The following PTPRD variants were observed in gnomAD, a reference collection of about 807,000 sequenced individuals.
PTPRD encodes the protein protein tyrosine phosphatase receptor type D, also known as receptor-type tyrosine-protein phosphatase delta.
A neutral mutation model predicts 214.5 loss-of-function variants in PTPRD; 34 were observed. The ratio of observed to expected loss-of-function variants is 0.16; its 90% CI spans 0.12 to 0.21. The LOEUF (loss-of-function observed/expected upper bound fraction) is 0.21, where lower values mean the gene tolerates loss of function less well. PTPRD is among the 10% of genes least tolerant of loss of function. The pLI is 1.00. For synonymous variants in PTPRD, 1,128 were observed against 845.7 expected (o/e 1.33, Z -5.79); for missense variants, 2,545 against 2,398.7 (o/e 1.06, Z -1.27).
intron 3 of PTPRD, among the ~76,000 whole-genome samples, chr9:10,146,151 A>G (rs2099020941): frequency 7.0e-5 from 1 of 14,294 alleles, no homozygotes; most frequent in Admixed American, 8.1e-4. Context: ...GAAATCATCC[A>G]TATATATATA....
At chr9:9,964,527 A>G (rs1741164389) in intron 4 of PTPRD, among the ~76,000 whole-genome samples, 1 of 152,204 alleles carries the variant, frequency 6.6e-6, no homozygotes, top group Admixed American at 6.5e-5. Flanking sequence ...TTTTACCTTA[A>G]TTATGACTCA....
intron 4 of PTPRD, among the ~76,000 whole-genome samples, chr9:9,963,265 G>A (rs1322561882): frequency 1.3e-5 from 2 of 152,020 alleles, no homozygotes; most frequent in Non-Finnish European, 2.9e-5. Flanking sequence ...AAACACAATT[G>A]TATGTACCTA....
intron 10 of PTPRD, among the ~76,000 whole-genome samples, chr9:9,166,025 T>C (rs1410506542): frequency 1.3e-5 from 2 of 152,170 alleles, no homozygotes; most frequent in African/African-American, 2.4e-5. Flanking sequence ...GGTACAATTG[T>C]CTGTCCCTAT....
At chr9:9,191,285 T>C (rs1005753153) in intron 9 of PTPRD, among the ~76,000 whole-genome samples, 1 of 152,078 alleles carries the variant, frequency 6.6e-6, no homozygotes, top group Non-Finnish European at 1.5e-5. Context: ...TCAACAATCC[T>C]GTGAATGAGA....
At chr9:10,318,017 C>T (rs775486725) in intron 3 of PTPRD, among the ~76,000 whole-genome samples, 10 of 151,990 alleles carry the variant, frequency 6.6e-5, no homozygotes, top group Non-Finnish European at 1.0e-4. Flanking sequence ...AGTCATTTTA[C>T]ATATGTCTGT....
At chr9:9,403,762 G>T (rs1220774647) in intron 8 of PTPRD, among the ~76,000 whole-genome samples, 2 of 151,828 alleles carry the variant, frequency 1.3e-5, no homozygotes, top group African/African-American at 4.8e-5. Context: ...TCTATTTTAG[G>T]CATTGGGGAT....
intron 11 of PTPRD, among the ~76,000 whole-genome samples, chr9:8,985,114 A>T (rs182559325): frequency 6.6e-6 from 1 of 152,222 alleles, no homozygotes; most frequent in Admixed American, 6.6e-5. Context: ...GCGATCAGAA[A>T]TGCTAACAGT....
At chr9:9,337,160 T>G (rs1355111446) in intron 9 of PTPRD, among the ~76,000 whole-genome samples, 1 of 152,154 alleles carries the variant, frequency 6.6e-6, no homozygotes, top group Non-Finnish European at 1.5e-5. Flanking sequence ...AGAAAGAAAC[T>G]ATGAAGTAAA....
rs56105335 is a variant in PTPRD, at chr9:9,403,290, C to CAAAAAAA, written c.-236-5815_-236-5809dup. Among the ~76,000 whole-genome samples, 200 of 60,204 alleles carry CAAAAAAA rather than the reference C, an allele frequency of 3.3e-3. 4 individuals carry two copies. Among genetic ancestry groups the CAAAAAAA allele is most frequent in the Admixed American group, 3.9e-3 (16 of 4,068 alleles). 39.5% of individuals were successfully genotyped at this position (60,204 alleles called of 152,430 possible). On this transcript the variant is annotated intron_variant, in intron 8 of 45. Transcript: ENST00000381196. Reference sequence around the variant, plus strand: ...TAGGCGACAGAGGAATACTCTGTCTCAAAAAAAAAAAAAAAAAAAAACCAA... The same window carrying CAAAAAAA: ...TAGGCGACAGAGGAATACTCTGTCTCAAAAAAAAAAAAAAAAAAAAAAAAAAAACCAA...
At chr9:10,254,917 T>C (rs867108261) in intron 3 of PTPRD, among the ~76,000 whole-genome samples, 97 of 152,180 alleles carry the variant, frequency 6.4e-4, no homozygotes, top group African/African-American at 2.1e-3. Flanking sequence ...CTGATGACTT[T>C]TAAGAAATCC....
intron 8 of PTPRD, among the ~76,000 whole-genome samples, chr9:9,482,383 G>A (rs1015707831): frequency 4.6e-5 from 7 of 152,116 alleles, no homozygotes; most frequent in African/African-American, 1.4e-4. Context: ...AAAAATTAAT[G>A]AGCTTTATTT....
At chr9:9,355,128 A>C (rs1307546037) in intron 9 of PTPRD, among the ~76,000 whole-genome samples, 1 of 151,788 alleles carries the variant, frequency 6.6e-6, no homozygotes, top group East Asian at 1.9e-4. Flanking sequence ...TGTGGTATAC[A>C]CTTGTGTTAC....
In PTPRD at chr9:9,912,570, G is replaced by A. The variant is rs115073201; in HGVS notation, c.-368+25937C>T. On this transcript the variant is annotated intron_variant, in intron 5 of 45. Transcript: ENST00000381196. ...TAATTTGGTAATGAAGCTCCCCTGAGAGAAAGCTGAATAATATTAAATGGT... is the reference window on the plus strand; with the variant it reads ...TAATTTGGTAATGAAGCTCCCCTGAAAGAAAGCTGAATAATATTAAATGGT... 4.1e-3 allele frequency among the ~76,000 whole-genome samples: 618 copies of A among 152,274 alleles called. 4 individuals carry two copies. Among genetic ancestry groups the A allele is most frequent in the African/African-American group, 0.014 (596 of 41,572 alleles).
At chr9:9,195,098 A>ATATATATATATG (rs1569560966) in intron 9 of PTPRD, among the ~76,000 whole-genome samples, 1 of 141,146 alleles carries the variant, frequency 7.1e-6, no homozygotes, top group East Asian at 2.2e-4. Context: ...ATATATATAT[A>ATATATATATATG]TATATATATA....
At chr9:9,208,436 A>G (rs2099946393) in intron 9 of PTPRD, among the ~76,000 whole-genome samples, 2 of 152,080 alleles carry the variant, frequency 1.3e-5, no homozygotes, top group South Asian at 2.1e-4. Context: ...GTTAAGATCT[A>G]TCTTCACATT....
Position 8,486,163 on chromosome 9 carries a change from A to G in PTPRD, c.2654T>C (p.Ile885Thr). 2 of 1,614,144 alleles carry G rather than the reference A, an allele frequency of 1.2e-6. No individual in the cohort carries two copies. Among genetic ancestry groups the G allele is most frequent in the African/African-American group, 1.3e-5 (1 of 75,024 alleles). ...GAAGACGTATGATGCTCCCTTGTGG[A>G]TGTCTGTAGCTGTAAAGTGATCTTC... ...EKEDHFTATD[I>T]HKGASYVFRL... Residue 885 changes from isoleucine (I) to threonine (T), a missense_variant, in exon 28 of 46, where the codon ATC (isoleucine) becomes ACC (threonine). Ile to Thr is a moderately conservative substitution (Grantham distance 89). Transcript: ENST00000381196.
At chr9:8,382,712 A>C (rs2085512300) in intron 37 of PTPRD, among the ~76,000 whole-genome samples, 1 of 152,208 alleles carries the variant, frequency 6.6e-6, no homozygotes, top group Non-Finnish European at 1.5e-5. Flanking sequence ...TTTTGTTGCC[A>C]GCGTCCTATT....
At position 10,145,220 on chromosome 9, in the gene PTPRD, G is replaced by C. The variant is rs148126414; in HGVS notation, c.-544-111430C>G. On this transcript the variant is annotated intron_variant, in intron 3 of 45. Coordinates refer to ENST00000381196, the MANE Select transcript of PTPRD (RefSeq NM_002839.4). ...TCATTTAGGACCACATCAATTTCTT[G>C]ATGAAGCCACATATAATTTCAGGCA... Among the ~76,000 whole-genome samples the C allele has an allele frequency of 9.8e-3, 1,496 of 152,110 alleles. 26 individuals carry two copies. Among genetic ancestry groups the C allele is most frequent in the African/African-American group, 0.034 (1,419 of 41,498 alleles).
Position 9,996,067 on chromosome 9 carries a change from C to A in PTPRD, c.-472+37651G>T, listed in dbSNP as rs561517088. Among the ~76,000 whole-genome samples the A allele has an allele frequency of 7.2e-5, 11 of 152,090 alleles. No homozygotes were observed. The South Asian group carries it at 2.1e-3, about 29-fold the overall frequency. On this transcript the variant is annotated intron_variant, in intron 4 of 45. Transcript: ENST00000381196. ...CGAGTCTCATTTTTTCCAGATATTT[C>A]CCTTTCCTTCATTTGAAATTCATGA... is the stretch of plus-strand genomic sequence containing the variant.
Sources: gnomAD v4.1 joint callset for allele counts (sites outside exome capture counted in the v4.1 genomes callset) on GRCh38, gnomAD v4.1.1 for gene constraint, MANE v1.5 for transcripts, NCBI Gene and HGNC (gene_info 2026-07-23, HGNC 2026-07-21) for gene names.